Variants in PRR16 observed in about 807,000 individuals in gnomAD.
The protein encoded by PRR16 is protein Largen.
PRR16 carries 6 observed loss-of-function variants against 18.2 expected under a neutral mutation model. The observed-to-expected ratio is 0.33, with a 90% CI of 0.18 to 0.65. PRR16 has a LOEUF of 0.65. Ranked by LOEUF, PRR16 falls within the 30% of genes least tolerant of loss-of-function variation. The pLI is 0.74. For missense variants in PRR16, 412 were observed against 376.6 expected (o/e 1.09, Z -0.78); for synonymous variants, 151 against 147.8 (o/e 1.02, Z -0.16).
the PRR16 span, among the ~76,000 whole-genome samples, chr5:120,786,198 C>A: frequency 1.3e-5 from 2 of 149,970 alleles, no homozygotes; most frequent in South Asian, 2.1e-4. Context: ...CCAAATATTT[C>A]TGTTTCTTAA....
chr5:120,691,171 G>C (rs1757204227), downstream of PRR16, among the ~76,000 whole-genome samples: 1 of 152,104 alleles, frequency 6.6e-6, no homozygotes. Context: ...GTGTTGGGCT[G>C]GCATTTTGTG....
intron 1 of PRR16, among the ~76,000 whole-genome samples, chr5:120,585,927 G>T (rs1753426127): frequency 6.6e-6 from 1 of 152,010 alleles, no homozygotes; most frequent in Non-Finnish European, 1.5e-5. Flanking sequence ...TGTAATCCCA[G>T]CACTTTGTGA....
the PRR16 span, among the ~76,000 whole-genome samples, chr5:120,765,956 T>C: frequency 6.6e-6 from 1 of 152,024 alleles, no homozygotes; most frequent in Admixed American, 6.6e-5. Flanking sequence ...CTCACTGCTG[T>C]ATACTACTGT....
the PRR16 span, among the ~76,000 whole-genome samples, chr5:120,757,518 C>G: frequency 6.6e-6 from 1 of 151,686 alleles, no homozygotes; most frequent in Non-Finnish European, 1.5e-5. Context: ...AAAATTTGAT[C>G]TACTGGCTTT....
the PRR16 span, among the ~76,000 whole-genome samples, chr5:120,784,765 C>T: frequency 3.9e-5 from 6 of 152,158 alleles, no homozygotes; most frequent in Non-Finnish European, 8.8e-5. Context: ...TCTATTATAG[C>T]ACGTTTTACA....
At chr5:120,767,522 C>T in the PRR16 span, among the ~76,000 whole-genome samples, 1 of 151,942 alleles carries the variant, frequency 6.6e-6, no homozygotes, top group East Asian at 1.9e-4. Context: ...ATTAGCTGTT[C>T]TCCTTCACTC....
chr5:120,753,777 A>G, the PRR16 span, among the ~76,000 whole-genome samples: 1 of 144,730 alleles, frequency 6.9e-6, no homozygotes, highest in African/African-American at 2.5e-5. Flanking sequence ...TTCTTCAGTT[A>G]TGTAATTATA....
At chr5:120,521,401 A>C (rs1458979000) in intron 1 of PRR16, among the ~76,000 whole-genome samples, 2 of 152,070 alleles carry the variant, frequency 1.3e-5, no homozygotes, top group Non-Finnish European at 2.9e-5. Context: ...ATTTGGTTCT[A>C]ATGGGATATG....
the PRR16 span, among the ~76,000 whole-genome samples, chr5:120,707,630 G>A: frequency 1.3e-5 from 2 of 152,262 alleles, no homozygotes; most frequent in African/African-American, 4.8e-5. Context: ...CAGCACATGA[G>A]TCTCTAGGAT....
chr5:120,729,966 C>T, the PRR16 span, among the ~76,000 whole-genome samples: 3 of 152,062 alleles, frequency 2.0e-5, no homozygotes, highest in East Asian at 1.9e-4. Flanking sequence ...CTCAAAAATG[C>T]CAAGGAAATG....
In PRR16 at chr5:120,622,842, TTC is replaced by T. The variant is rs1328250147; in HGVS notation, c.160-63110_160-63109del. 5.3e-5 allele frequency among the ~76,000 whole-genome samples: 8 copies of T among 151,468 alleles called. No individual in the cohort carries two copies. The East Asian group carries it at 1.5e-3, about 29-fold the overall frequency. ...TTAAATCCTGTACTTTTTACATTAT[TTC>T]TTTTTTGTTCTTTAAAAGACTATGT... On this transcript the variant is annotated intron_variant, in intron 1 of 1. Coordinates refer to ENST00000407149, the MANE Select transcript of PRR16 (RefSeq NM_001300783.2).
chr5:120,787,236 A>G, the PRR16 span, among the ~76,000 whole-genome samples: 2 of 152,068 alleles, frequency 1.3e-5, no homozygotes, highest in African/African-American at 2.4e-5. Context: ...AAATTTGTGT[A>G]TTTTATAACT....
chr5:120,495,400 T>C (rs1750210105), intron 1 of PRR16, among the ~76,000 whole-genome samples: 1 of 152,140 alleles, frequency 6.6e-6, no homozygotes, highest in Non-Finnish European at 1.5e-5. Flanking sequence ...TGCTGAAGTT[T>C]CATATATAAA....
At chr5:120,722,492 A>G in the PRR16 span, among the ~76,000 whole-genome samples, 3 of 152,030 alleles carry the variant, frequency 2.0e-5, no homozygotes, top group Non-Finnish European at 4.4e-5. Flanking sequence ...TTTGTAGAAA[A>G]TGCTCTTACA....
the PRR16 span, among the ~76,000 whole-genome samples, chr5:120,740,959 CAATT>C: frequency 6.6e-6 from 1 of 151,836 alleles, no homozygotes; most frequent in African/African-American, 2.4e-5. Flanking sequence ...ATTAAGAGCA[CAATT>C]AATTTTCCTA....
chr5:120,505,329 A>G (rs1750604566), intron 1 of PRR16, among the ~76,000 whole-genome samples: 1 of 152,202 alleles, frequency 6.6e-6, no homozygotes, highest in Non-Finnish European at 1.5e-5. Flanking sequence ...CATTAAAACA[A>G]TCCAAGTCCT....
At chr5:120,705,379 A>G in the PRR16 span, among the ~76,000 whole-genome samples, 1 of 152,034 alleles carries the variant, frequency 6.6e-6, no homozygotes, top group African/African-American at 2.4e-5. Context: ...ATGTTGACAA[A>G]TTTTAGTAAA....
At chr5:120,682,954 A>G (rs1295106490) in intron 1 of PRR16, among the ~76,000 whole-genome samples, 2 of 152,158 alleles carry the variant, frequency 1.3e-5, no homozygotes, top group African/African-American at 2.4e-5. Flanking sequence ...TTAGAATGCA[A>G]TAGGAAAAAT....
chr5:120,550,140 CATTT>C (rs1313442906), intron 1 of PRR16, among the ~76,000 whole-genome samples: 1 of 151,970 alleles, frequency 6.6e-6, no homozygotes, highest in Non-Finnish European at 1.5e-5. Context: ...AGTCCCATAG[CATTT>C]ATTTGTCATT....
Sources: allele counts gnomAD v4.1 joint callset (sites outside exome capture counted in the v4.1 genomes callset), GRCh38; gene constraint gnomAD v4.1.1; transcripts MANE v1.5; gene names NCBI Gene and HGNC (gene_info 2026-07-23, HGNC 2026-07-21).